The following MSI2 variants were observed in gnomAD, a reference collection of about 807,000 sequenced individuals.
MSI2 encodes RNA-binding protein Musashi homolog 2.
MSI2 carries 17 observed loss-of-function variants against 45.6 expected under a neutral mutation model. The ratio of observed to expected loss-of-function variants is 0.37; its 90% CI spans 0.26 to 0.56. The LOEUF (loss-of-function observed/expected upper bound fraction) is 0.56, where lower values mean the gene tolerates loss of function less well. Ranked by LOEUF, MSI2 falls within the 20% of genes least tolerant of loss-of-function variation. The pLI, the probability that MSI2 is intolerant of heterozygous loss-of-function variation, is 0.77. For missense variants in MSI2, 293 were observed against 444.2 expected (o/e 0.66, Z 3.06); for synonymous variants, 156 against 158.2 (o/e 0.99, Z 0.11).
intron 10 of MSI2, among the ~76,000 whole-genome samples, chr17:57,644,459 T>C (rs1469603702): frequency 6.6e-6 from 1 of 152,086 alleles, no homozygotes. Flanking sequence ...TGGATTTCCT[T>C]GAAAAGAACC....
At chr17:57,563,746 G>GCGCACA (rs534460755) in intron 7 of MSI2, among the ~76,000 whole-genome samples, 119 of 139,396 alleles carry the variant, frequency 8.5e-4, no homozygotes, top group Middle Eastern at 3.5e-3. Flanking sequence ...ACACAGGCGC[G>GCGCACA]CACACACACA....
intron 7 of MSI2, among the ~76,000 whole-genome samples, chr17:57,561,410 C>T (rs2087571960): frequency 6.6e-6 from 1 of 152,194 alleles, no homozygotes. Flanking sequence ...TCCCGTCTTG[C>T]TGTTTTCTGA....
chr17:57,257,010 C>T lies in MSI2; in HGVS notation c.63-88C>T, dbSNP rs376594981. 11 of 1,605,106 alleles carry T rather than the reference C, an allele frequency of 6.9e-6. 1 individual carries two copies. The highest frequency in any genetic ancestry group is 3.3e-5 in the South Asian group (3 of 90,546). On this transcript the variant is annotated intron_variant, in intron 1 of 13. Coordinates refer to ENST00000284073, the MANE Select transcript of MSI2 (RefSeq NM_138962.4). The stretch of plus-strand genomic sequence containing the variant: ...CCCGGCTCTCGCTCGCTCGCTCCCC[C>T]CCGCTTTCCTTTTAGCTTTTGTAAG...
intron 5 of MSI2, among the ~76,000 whole-genome samples, chr17:57,295,280 G>C (rs1910824738): frequency 6.6e-6 from 1 of 152,116 alleles, no homozygotes; most frequent in Admixed American, 6.5e-5. Context: ...CGCCCTGCTT[G>C]CTTAGGGAGA....
chr17:57,682,071 A>G lies in MSI2; in HGVS notation c.*2554A>G, dbSNP rs1035577243. 18 of 203,492 alleles carry G rather than the reference A, an allele frequency of 8.8e-5. No homozygotes were observed. The highest frequency in any genetic ancestry group is 4.0e-5 in the Non-Finnish European group (4 of 99,262). The allele number at this position is 203,492 out of a possible 1,614,324, so 12.6% of individuals were successfully genotyped here. Reference sequence around the variant, plus strand: ...TTTTCTCCTCTTTCTTCTAGTACATATTGATAGGTATAACATAATTAAGGT... The same window carrying G: ...TTTTCTCCTCTTTCTTCTAGTACATGTTGATAGGTATAACATAATTAAGGT... On this transcript the variant is annotated 3_prime_UTR_variant, in exon 14 of 14. Transcript: ENST00000284073.
intron 5 of MSI2, among the ~76,000 whole-genome samples, chr17:57,309,406 C>T (rs1251244529): frequency 6.6e-6 from 1 of 152,178 alleles, no homozygotes; most frequent in East Asian, 1.9e-4. Context: ...CCCCCTCTGC[C>T]ACCAGTTAGC....
At chr17:57,698,749 G>A in the MSI2 span, among the ~76,000 whole-genome samples, 1 of 152,066 alleles carries the variant, frequency 6.6e-6, no homozygotes, top group Admixed American at 6.6e-5. Context: ...GGGTAATACA[G>A]TCAAGTCACG....
At chr17:57,358,738 T>C (rs1916618719) in intron 5 of MSI2, among the ~76,000 whole-genome samples, 2 of 152,122 alleles carry the variant, frequency 1.3e-5, no homozygotes, top group Admixed American at 1.3e-4. Context: ...ATAAAAGAAG[T>C]GCTGATTTTC....
Position 57,529,657 on chromosome 17 carries a change from T to A in MSI2, c.406-19T>A, listed in dbSNP as rs763211459. On this transcript the variant is annotated intron_variant, in intron 6 of 13. Coordinates refer to ENST00000284073, the MANE Select transcript of MSI2 (RefSeq NM_138962.4). This position sits in a 1 kb window ranked among gnomAD's most constrained non-coding sequence, Gnocchi z 5.3. Reference sequence around the variant, plus strand: ...CTTAAAATTCCTAAGGCAGCCTGTATTCTATATTTGTTTTGCAGGTGGAAG... The same window carrying A: ...CTTAAAATTCCTAAGGCAGCCTGTAATCTATATTTGTTTTGCAGGTGGAAG... The A allele has an allele frequency of 6.2e-7, 1 of 1,611,434 alleles. No individual in the cohort carries two copies. Among genetic ancestry groups the A allele is most frequent in the Non-Finnish European group, 8.5e-7 (1 of 1,178,712 alleles).
At chr17:57,598,435 G>GC (rs1466240895) in intron 8 of MSI2, among the ~76,000 whole-genome samples, 2 of 152,134 alleles carry the variant, frequency 1.3e-5, no homozygotes, top group Non-Finnish European at 2.9e-5. Flanking sequence ...TTTTCCCAGG[G>GC]CACTAAAATA....
chr17:57,363,504 G>A (rs181185646), intron 5 of MSI2, among the ~76,000 whole-genome samples: 30 of 152,348 alleles, frequency 2.0e-4, no homozygotes, highest in Admixed American at 1.2e-3. Flanking sequence ...TTGGGAGGCT[G>A]AAGTGGGCAG....
At chr17:57,446,655 C>T (rs913523025) in intron 6 of MSI2, among the ~76,000 whole-genome samples, 2 of 152,214 alleles carry the variant, frequency 1.3e-5, no homozygotes, top group African/African-American at 4.8e-5. Flanking sequence ...TTAACAGTGC[C>T]ACTAAGCTGT....
chr17:57,518,098 G>T (rs2086508539), intron 6 of MSI2, among the ~76,000 whole-genome samples: 1 of 152,172 alleles, frequency 6.6e-6, no homozygotes, highest in East Asian at 1.9e-4. Context: ...AGAGAGCAGG[G>T]TGGAAGATGT....
intron 5 of MSI2, chr17:57,268,578 C>T (rs956368894): frequency 1.3e-5 from 2 of 151,584 alleles, no homozygotes; most frequent in African/African-American, 4.9e-5. Context: ...TGGCTCATGC[C>T]TGTAATCCCA....
chr17:57,539,317 T>C (rs1466844992), intron 7 of MSI2, among the ~76,000 whole-genome samples: 1 of 152,072 alleles, frequency 6.6e-6, no homozygotes, highest in Non-Finnish European at 1.5e-5. Context: ...TTTACTTCTT[T>C]AGTGTGAGCT....
At chr17:57,510,260 G>GC (rs959894740) in intron 6 of MSI2, among the ~76,000 whole-genome samples, 1 of 151,978 alleles carries the variant, frequency 6.6e-6, no homozygotes, top group Non-Finnish European at 1.5e-5. Flanking sequence ...AGGCCCTCTT[G>GC]ATGAGGTGGG....
chr17:57,642,589 A>G, intron 10 of MSI2, among the ~76,000 whole-genome samples: 1 of 152,184 alleles, frequency 6.6e-6, no homozygotes, highest in Admixed American at 6.5e-5. Flanking sequence ...CTCCTTGGGC[A>G]GTTGATCTGT....
intron 9 of MSI2, 199 bp downstream of exon 9, chr17:57,616,283 G>A (rs1598455563): frequency 4.6e-6 from 1 of 216,938 alleles, no homozygotes; most frequent in South Asian, 1.0e-4. Context: ...GTGCATGCAT[G>A]TGTGTGTGTG....
intron 10 of MSI2, among the ~76,000 whole-genome samples, chr17:57,647,676 G>A (rs1488818456): frequency 2.7e-5 from 4 of 150,680 alleles, no homozygotes; most frequent in Non-Finnish European, 4.4e-5. Context: ...ACAGAGTCTC[G>A]CTCTGTCGCC....
Sources: gnomAD v4.1 joint callset for allele counts (sites outside exome capture counted in the v4.1 genomes callset) on GRCh38, gnomAD v4.1.1 for gene constraint, Gnocchi (gnomAD v3.1) non-coding constraint, MANE v1.5 for transcripts, NCBI Gene and HGNC (gene_info 2026-07-23, HGNC 2026-07-21) for gene names.